Variants in NR6A1 observed in about 807,000 individuals in gnomAD.
The protein encoded by NR6A1 is nuclear receptor subfamily 6 group A member 1.
A neutral mutation model predicts 59.1 loss-of-function variants in NR6A1; 7 were observed. The ratio of observed to expected loss-of-function variants is 0.12; its 90% confidence interval spans 0.07 to 0.22. NR6A1 has a LOEUF of 0.22. Ranked by LOEUF, NR6A1 falls within the 10% of genes least tolerant of loss-of-function variation. The pLI, the probability that NR6A1 is intolerant of heterozygous loss-of-function variation, is 1.00. For missense variants in NR6A1, 468 were observed against 611.6 expected (o/e 0.77, Z 2.48); for synonymous variants, 243 against 236.1 (o/e 1.03, Z -0.27).
rs1009100719 is a variant in NR6A1 at position 124,520,186 on chromosome 9, C to A, written c.*2519G>T. On this transcript the variant is annotated 3_prime_UTR_variant, in exon 10 of 10. Transcript: ENST00000487099. ...CTCCACGCTGCTAGCTACACTCCTACCTTCTCCTCATAATACCTGAGTTTG... is the reference window on the plus strand; with the variant it reads ...CTCCACGCTGCTAGCTACACTCCTAACTTCTCCTCATAATACCTGAGTTTG... 6.6e-6 allele frequency: 1 copy of A among 152,246 alleles called. No homozygotes were observed. Among genetic ancestry groups the A allele is most frequent in the Admixed American group, 6.5e-5 (1 of 15,296 alleles). The allele number at this position is 152,246 out of a possible 1,614,324, so 9.4% of individuals were successfully genotyped here. A position where few individuals can be genotyped will look rare whatever the true frequency, so the allele number is the denominator to read the frequency against.
intron 2 of NR6A1, among the ~76,000 whole-genome samples, chr9:124,710,513 G>A (rs1326533168): frequency 6.6e-6 from 1 of 152,116 alleles, no homozygotes; most frequent in Non-Finnish European, 1.5e-5. Flanking sequence ...TCAGCCTAAG[G>A]CTATTTTTCT....
intron 2 of NR6A1, among the ~76,000 whole-genome samples, chr9:124,679,631 C>G (rs868760015): frequency 1.3e-5 from 2 of 152,020 alleles, no homozygotes; most frequent in South Asian, 4.2e-4. Flanking sequence ...TGGCTGATGC[C>G]TGTAATTCCA....
At chr9:124,527,685 G>C (rs1296575802) in intron 7 of NR6A1, among the ~76,000 whole-genome samples, 1 of 152,172 alleles carries the variant, frequency 6.6e-6, no homozygotes, top group Non-Finnish European at 1.5e-5. Context: ...CAAAGCCTTG[G>C]TTTTTCCAGT....
chr9:124,652,288 T>C (rs1207056529), intron 2 of NR6A1, among the ~76,000 whole-genome samples: 2 of 152,200 alleles, frequency 1.3e-5, no homozygotes, highest in Admixed American at 1.3e-4. Context: ...AACTGTCTTA[T>C]CAGCTTGGGG....
intron 1 of NR6A1, among the ~76,000 whole-genome samples, chr9:124,750,491 TG>T (rs1840465738): frequency 1.3e-5 from 2 of 152,340 alleles, no homozygotes; most frequent in Admixed American, 1.3e-4. Flanking sequence ...CCAGGCGCGG[TG>T]GCTCACGCCT....
At chr9:124,757,104 AAAAT>A (rs1840655170) in intron 1 of NR6A1, among the ~76,000 whole-genome samples, 1 of 152,152 alleles carries the variant, frequency 6.6e-6, no homozygotes, top group African/African-American at 2.4e-5. Flanking sequence ...GGCATTTATT[AAAAT>A]AAATAAGTAC....
intron 2 of NR6A1, among the ~76,000 whole-genome samples, chr9:124,720,737 T>C (rs1839539415): frequency 6.6e-6 from 1 of 152,100 alleles, no homozygotes; most frequent in African/African-American, 2.4e-5. Flanking sequence ...TAGAACTGAG[T>C]TATTATAGCC....
At chr9:124,596,617 A>C (rs2130811591) in intron 2 of NR6A1, among the ~76,000 whole-genome samples, 1 of 152,338 alleles carries the variant, frequency 6.6e-6, no homozygotes, top group African/African-American at 2.4e-5. Flanking sequence ...ACACCTTCAA[A>C]CTAAGCTTCT....
chr9:124,758,391 C>T (rs1020920215), intron 1 of NR6A1, among the ~76,000 whole-genome samples: 1 of 152,118 alleles, frequency 6.6e-6, no homozygotes, highest in African/African-American at 2.4e-5. Context: ...AAATGAAGCG[C>T]ATTTAATCTT....
chr9:124,747,414 C>T (rs1840366186), intron 1 of NR6A1, among the ~76,000 whole-genome samples: 1 of 152,066 alleles, frequency 6.6e-6, no homozygotes, highest in African/African-American at 2.4e-5. Flanking sequence ...TCCCAGCACA[C>T]ACACAACCTT....
intron 2 of NR6A1, among the ~76,000 whole-genome samples, chr9:124,579,861 T>G (rs564184986): frequency 6.6e-6 from 1 of 151,994 alleles, no homozygotes; most frequent in South Asian, 2.1e-4. Flanking sequence ...AAATACATAA[T>G]TAGCTGGGCA....
intron 3 of NR6A1, among the ~76,000 whole-genome samples, chr9:124,544,428 A>C (rs1833538160): frequency 1.3e-5 from 2 of 152,234 alleles, no homozygotes; most frequent in African/African-American, 4.8e-5. Context: ...CTGACTAAGA[A>C]TAACAACTAC....
chr9:124,609,601 T>C (rs1835681407), intron 2 of NR6A1, among the ~76,000 whole-genome samples: 1 of 152,234 alleles, frequency 6.6e-6, no homozygotes, highest in Admixed American at 6.5e-5. Flanking sequence ...GGCTCTTTCT[T>C]GGTTCCATAT....
chr9:124,540,397 T>C (rs1833409648), intron 4 of NR6A1, among the ~76,000 whole-genome samples: 1 of 152,196 alleles, frequency 6.6e-6, no homozygotes, highest in South Asian at 2.1e-4. Flanking sequence ...CTCCTGCTCA[T>C]TTACACTACT....
intron 2 of NR6A1, among the ~76,000 whole-genome samples, chr9:124,616,517 A>G (rs1328470021): frequency 6.6e-6 from 1 of 152,038 alleles, no homozygotes; most frequent in Non-Finnish European, 1.5e-5. Flanking sequence ...GCATAACATG[A>G]AATCCAGATA....
Position 124,736,033 on chromosome 9 carries a change from G to A in NR6A1, c.101-2684C>T, listed in dbSNP as rs183383366. Among the ~76,000 whole-genome samples the A allele has an allele frequency of 4.2e-3, 645 of 152,238 alleles. 1 individual carries two copies. The highest frequency in any genetic ancestry group is 7.5e-3 in the South Asian group (36 of 4,830). On this transcript the variant is annotated intron_variant, in intron 1 of 9. Coordinates refer to ENST00000487099, the MANE Select transcript of NR6A1 (RefSeq NM_033334.4). ...GAGAAAATAATTCATCACTACACACGGATTGAATGTTGAACATCATGCCAG... is the reference window on the plus strand; with the variant it reads ...GAGAAAATAATTCATCACTACACACAGATTGAATGTTGAACATCATGCCAG...
chr9:124,547,429 C>A (rs947454976), intron 3 of NR6A1, among the ~76,000 whole-genome samples: 5 of 152,128 alleles, frequency 3.3e-5, no homozygotes, highest in Non-Finnish European at 5.9e-5. Flanking sequence ...AAATGCTATA[C>A]CCTACATGTA....
chr9:124,768,808 T>C (rs955187278), intron 1 of NR6A1, among the ~76,000 whole-genome samples: 3 of 152,246 alleles, frequency 2.0e-5, no homozygotes, highest in Admixed American at 6.5e-5. Context: ...ACAACACTAT[T>C]ATTCTCAAGT....
chr9:124,606,450 G>T (rs1284884947), intron 2 of NR6A1, among the ~76,000 whole-genome samples: 1 of 150,692 alleles, frequency 6.6e-6, no homozygotes, highest in Non-Finnish European at 1.5e-5. Context: ...TATGTCTGAT[G>T]GATTAAAAAA....
Sources: gnomAD v4.1 joint callset for allele counts (sites outside exome capture counted in the v4.1 genomes callset) on GRCh38, gnomAD v4.1.1 for gene constraint, MANE v1.5 for transcripts, NCBI Gene and HGNC (gene_info 2026-07-23, HGNC 2026-07-21) for gene names.